The following GAB1 variants were observed in gnomAD, a reference collection of about 807,000 sequenced individuals.
GAB1 encodes the protein GRB2 associated binding protein 1, also known as GRB2-associated-binding protein 1.
A neutral mutation model predicts 66.5 loss-of-function variants in GAB1; 19 were observed. The ratio of observed to expected loss-of-function variants is 0.29; its 90% CI spans 0.20 to 0.42. The LOEUF (loss-of-function observed/expected upper bound fraction) is 0.42, where lower values mean the gene tolerates loss of function less well. Ranked by LOEUF, GAB1 falls within the 10% of genes least tolerant of loss-of-function variation. The pLI is 1.00. For missense variants in GAB1, 732 were observed against 858.5 expected, an observed-to-expected ratio of 0.85 and a Z score of 1.84; for synonymous variants, 294 against 301.4, an observed-to-expected ratio of 0.98 and a Z score of 0.25.
In GAB1 at chr4:143,395,894, G is replaced by A. The variant is rs192327802; in HGVS notation, c.73-19583G>A. ...TGTCGAGATTGATGGACCGCCCCCC[G>A]CCCCCGGGAGAGCAGCGTAGGAAAT... On this transcript the variant is annotated intron_variant, in intron 1 of 9. Coordinates refer to ENST00000262994, the MANE Select transcript of GAB1 (RefSeq NM_002039.4). The A allele has an allele frequency of 7.4e-3, 3,372 of 455,086 alleles. 27 individuals carry two copies. Among genetic ancestry groups the A allele is most frequent in the East Asian group, 0.036 (521 of 14,380 alleles). The allele number at this position is 455,086 out of a possible 1,614,324, so 28.2% of individuals were successfully genotyped here.
intron 2 of GAB1, among the ~76,000 whole-genome samples, chr4:143,422,810 A>T (rs1472377676): frequency 6.6e-6 from 1 of 152,244 alleles, no homozygotes; most frequent in African/African-American, 2.4e-5. Flanking sequence ...AATTTCAATT[A>T]GGAGTTTGCT....
chr4:143,463,858 A>T (rs1324969642), intron 8 of GAB1, among the ~76,000 whole-genome samples: 1 of 152,194 alleles, frequency 6.6e-6, no homozygotes, highest in African/African-American at 2.4e-5. Flanking sequence ...AGTTCTAGTA[A>T]TAACAGACAT....
At chr4:143,351,803 A>C (rs957351634) in intron 1 of GAB1, among the ~76,000 whole-genome samples, 1 of 152,224 alleles carries the variant, frequency 6.6e-6, no homozygotes, top group African/African-American at 2.4e-5. Flanking sequence ...GGATGCTACT[A>C]AACACTCTAT....
At chr4:143,374,057 A>G (rs922689369) in intron 1 of GAB1, among the ~76,000 whole-genome samples, 2 of 151,528 alleles carry the variant, frequency 1.3e-5, no homozygotes, top group Admixed American at 6.6e-5. Flanking sequence ...GAGTGAAGAC[A>G]GGGAGAGTAT....
chr4:143,462,907 C>G (rs1208184874), intron 8 of GAB1, among the ~76,000 whole-genome samples: 1 of 152,228 alleles, frequency 6.6e-6, no homozygotes, highest in African/African-American at 2.4e-5. Flanking sequence ...AATGATCTGC[C>G]TGCCTTGGCT....
chr4:143,449,745 A>G (rs891914707), intron 6 of GAB1, among the ~76,000 whole-genome samples: 4 of 152,120 alleles, frequency 2.6e-5, no homozygotes, highest in African/African-American at 4.8e-5. Context: ...TCTTTATCCA[A>G]TTTGCCAGTC....
chr4:143,351,430 G>A (rs1346109438), intron 1 of GAB1, among the ~76,000 whole-genome samples: 1 of 152,160 alleles, frequency 6.6e-6, no homozygotes, highest in Non-Finnish European at 1.5e-5. Flanking sequence ...GTGCTCTTCC[G>A]CGGTGTCTTC....
chr4:143,456,325 C>T (rs1381390082), intron 6 of GAB1, among the ~76,000 whole-genome samples: 3 of 151,974 alleles, frequency 2.0e-5, no homozygotes, highest in Admixed American at 6.6e-5. Context: ...GGCGTGGTGG[C>T]GGGCACCTGT....
At chr4:143,456,952 A>T (rs956925794) in intron 6 of GAB1, among the ~76,000 whole-genome samples, 4 of 152,218 alleles carry the variant, frequency 2.6e-5, no homozygotes, top group African/African-American at 9.6e-5. Context: ...AGATGATGGT[A>T]ACTGAATTTA....
At position 143,447,591 on chromosome 4, in the gene GAB1, C is replaced by G. The variant is rs1317188611; in HGVS notation, c.1585+7209C>G. Reference sequence around the variant, plus strand: ...GGGAGTTCACTCATGATTTGGCTCTCTGTTATTGGTGTATAAGAATGCTTG... The same window carrying G: ...GGGAGTTCACTCATGATTTGGCTCTGTGTTATTGGTGTATAAGAATGCTTG... On this transcript the variant is annotated intron_variant, in intron 6 of 9. Coordinates refer to ENST00000262994, the MANE Select transcript of GAB1 (RefSeq NM_002039.4). Among the ~76,000 whole-genome samples the G allele has an allele frequency of 3.3e-5, 5 of 152,214 alleles. No individual in the cohort carries two copies. The East Asian group carries it at 9.6e-4, about 29-fold the overall frequency.
chr4:143,450,759 C>T (rs779927441), intron 6 of GAB1, among the ~76,000 whole-genome samples: 2 of 151,920 alleles, frequency 1.3e-5, no homozygotes, highest in Admixed American at 6.6e-5. Flanking sequence ...GGCGTGGTGG[C>T]GCATGCCTGT....
At chr4:143,453,180 A>G (rs898447403) in intron 6 of GAB1, among the ~76,000 whole-genome samples, 14 of 152,326 alleles carry the variant, frequency 9.2e-5, no homozygotes, top group Non-Finnish European at 1.8e-4. Flanking sequence ...CCTAAGTAAC[A>G]TAGTACAATT....
At chr4:143,430,011 C>T (rs761296507) in intron 2 of GAB1, among the ~76,000 whole-genome samples, 2 of 152,196 alleles carry the variant, frequency 1.3e-5, no homozygotes, top group South Asian at 2.1e-4. Context: ...AAAAAGGTTA[C>T]TTCAGTTTTC....
rs538498921 is a variant in GAB1, at chr4:143,444,233, A to G, written c.1585+3851A>G. ...ATCGCTAAACTTATCTAAGGCCCCC[A>G]TCTCTGTCTAGTCTCTGTCTAGCAT... On this transcript the variant is annotated intron_variant, in intron 6 of 9. Coordinates refer to ENST00000262994, the MANE Select transcript of GAB1 (RefSeq NM_002039.4). Among the ~76,000 whole-genome samples, 6 of 152,304 alleles carry G rather than the reference A, an allele frequency of 3.9e-5. No individual in the cohort carries two copies. In the East Asian group the frequency reaches 1.2e-3, roughly 29 times the overall value.
At chr4:143,457,867 T>C (rs1051951260) in intron 6 of GAB1, 2 of 647,574 alleles carry the variant, frequency 3.1e-6, no homozygotes, top group Non-Finnish European at 5.2e-6. Flanking sequence ...CCTTAAATAC[T>C]ACTGCTGTTG....
At chr4:143,411,632 A>G (rs1260858448) in intron 1 of GAB1, among the ~76,000 whole-genome samples, 4 of 152,156 alleles carry the variant, frequency 2.6e-5, no homozygotes, top group Non-Finnish European at 4.4e-5. Context: ...AACTTTAAGA[A>G]TCTCAGATAT....
In GAB1 at chr4:143,469,269, C is replaced by T. The variant is rs868720828; in HGVS notation, c.*80C>T. On this transcript the variant is annotated 3_prime_UTR_variant, in exon 10 of 10. Coordinates refer to ENST00000262994, the MANE Select transcript of GAB1 (RefSeq NM_002039.4). ...CCTTTTGAAGAATGACTTGACACTT[C>T]CACTCTAGGTAGATCCTCAAATGAG... 133 of 1,408,734 alleles carry T rather than the reference C, an allele frequency of 9.4e-5. No individual in the cohort carries two copies. In the African/African-American group the frequency reaches 1.5e-3, roughly 16 times the overall value. 87.3% of individuals were successfully genotyped at this position (1,408,734 alleles called of 1,614,324 possible).
At chr4:143,374,397 G>A (rs1458015962) in intron 1 of GAB1, among the ~76,000 whole-genome samples, 1 of 152,108 alleles carries the variant, frequency 6.6e-6, no homozygotes, top group African/African-American at 2.4e-5. Context: ...AATTTTTCTT[G>A]CTTTTCATGT....
chr4:143,461,323 A>G (rs970573324), intron 8 of GAB1, among the ~76,000 whole-genome samples: 12 of 152,330 alleles, frequency 7.9e-5, no homozygotes, highest in Admixed American at 7.2e-4. Flanking sequence ...TCTCATGGAA[A>G]AGTCTAGAGA....
Sources: gnomAD v4.1 joint callset for allele counts (sites outside exome capture counted in the v4.1 genomes callset) on GRCh38, gnomAD v4.1.1 for gene constraint, MANE v1.5 for transcripts, NCBI Gene and HGNC (gene_info 2026-07-23, HGNC 2026-07-21) for gene names.